The following RCC1L variants were observed in gnomAD, a reference collection of about 807,000 sequenced individuals.
RCC1L encodes RCC1 like, also known as RCC1-like G exchanging factor-like protein.
A neutral mutation model predicts 58.6 loss-of-function variants in RCC1L; 46 were observed. The ratio of observed to expected loss-of-function variants is 0.79; its 90% CI spans 0.62 to 1.00. The LOEUF (loss-of-function observed/expected upper bound fraction) is 1.00. Among genes scored for constraint, RCC1L ranks in the 50% least tolerant of loss-of-function variants. The pLI, the probability that RCC1L is intolerant of heterozygous loss-of-function variation, is 0.00. For missense variants in RCC1L, 636 were observed against 623.6 expected, an observed-to-expected ratio of 1.02 and a Z score of -0.21; for synonymous variants, 281 against 262.9, an observed-to-expected ratio of 1.07 and a Z score of -0.67.
At chr7:75,028,202 C>T in intron 10 of RCC1L, 1 of 890,908 alleles carries the variant, frequency 1.1e-6, no homozygotes, top group Admixed American at 3.0e-5. Flanking sequence ...ACTGCAGCAA[C>T]CTCCACTTCC....
At chr7:75,070,328 T>C (rs879994311) in intron 2 of RCC1L, among the ~76,000 whole-genome samples, 1 of 152,134 alleles carries the variant, frequency 6.6e-6, no homozygotes, top group Non-Finnish European at 1.5e-5. Context: ...CACAGCACTT[T>C]GGGAGGCTGA....
chr7:75,030,846 T>C (rs1473166998), intron 10 of RCC1L, among the ~76,000 whole-genome samples: 1 of 152,170 alleles, frequency 6.6e-6, no homozygotes, highest in Non-Finnish European at 1.5e-5. Flanking sequence ...AGGCATCCCA[T>C]CCTGCAGATG....
downstream of RCC1L, among the ~76,000 whole-genome samples, chr7:75,041,065 A>AAAAC (rs1805547665): frequency 8.6e-5 from 13 of 151,940 alleles, no homozygotes; most frequent in African/African-American, 3.1e-4. Context: ...TAAAAATACA[A>AAAAC]AAATTAACTG....
intron 3 of RCC1L, among the ~76,000 whole-genome samples, chr7:75,066,177 T>C (rs587600334): frequency 3.9e-4 from 60 of 152,044 alleles, no homozygotes; most frequent in South Asian, 3.5e-3. Context: ...GGTGGCCAGG[T>C]GCAGTGGCTC....
Position 75,052,781 on chromosome 7 carries a change from A to C in RCC1L, c.1247T>G (p.Phe416Cys). 6.2e-7 allele frequency: 1 copy of C among 1,613,118 alleles called. No individual in the cohort carries two copies. Among genetic ancestry groups the C allele is most frequent in the South Asian group, 1.1e-5 (1 of 90,776 alleles). ...FAALTNKGELFVWGKNIRGCL... is the reference protein window; with the variant it reads ...FAALTNKGELCVWGKNIRGCL... Reference sequence around the variant, plus strand: ...CCCTCGGATGTTCTTGCCCCATACAAACAGCTCTCCTTTGTCTGCAAAGGG... The same window carrying C: ...CCCTCGGATGTTCTTGCCCCATACACACAGCTCTCCTTTGTCTGCAAAGGG... The change falls in exon 10 of 11, where the codon TTT becomes TGT. Residue 416 changes from phenylalanine (F) to cysteine (C), a missense_variant. Phe to Cys is a radical substitution (Grantham distance 205). Transcript: ENST00000610322.
chr7:75,068,008 C>G (rs1806565461), intron 2 of RCC1L, among the ~76,000 whole-genome samples: 1 of 151,958 alleles, frequency 6.6e-6, no homozygotes, highest in Admixed American at 6.6e-5. Flanking sequence ...TAAAATTGCT[C>G]TGAATAAAAG....
intron 9 of RCC1L, among the ~76,000 whole-genome samples, chr7:75,055,326 G>A (rs1806041152): frequency 6.6e-6 from 1 of 152,108 alleles, no homozygotes; most frequent in Non-Finnish European, 1.5e-5. Context: ...CAGGGTAAGC[G>A]GATATTCTGT....
chr7:75,068,630 G>A (rs1806600252), intron 2 of RCC1L, among the ~76,000 whole-genome samples: 2 of 147,156 alleles, frequency 1.4e-5, no homozygotes, highest in Non-Finnish European at 1.5e-5. Flanking sequence ...AGGTTGCAGT[G>A]AGCTGAGATC....
chr7:75,053,238 GGGGTGGTGGACA>G (rs1805973925), intron 9 of RCC1L, among the ~76,000 whole-genome samples: 1 of 113,342 alleles, frequency 8.8e-6, no homozygotes, highest in Non-Finnish European at 2.1e-5. Context: ...TTGGGGTCTG[GGGGTGGTGGACA>G]GGTCTGGGGG....
At chr7:75,041,864 A>C (rs1338108452), downstream of RCC1L, among the ~76,000 whole-genome samples, 2 of 107,466 alleles carry the variant, frequency 1.9e-5, no homozygotes, top group Non-Finnish European at 3.4e-5. Flanking sequence ...ACTCTGTCTC[A>C]AAAAAAAAAA....
chr7:75,055,784 A>AAAGGCGCCGTTAC, intron 9 of RCC1L, 117 bp downstream of exon 9: 1 of 1,226,808 alleles, frequency 8.2e-7, no homozygotes, highest in Non-Finnish European at 1.2e-6. Flanking sequence ...TTATCAGTAC[A>AAAGGCGCCGTTAC]AAGGCGCCGT....
downstream of RCC1L, among the ~76,000 whole-genome samples, chr7:75,041,360 G>A (rs1404909574): frequency 6.6e-6 from 1 of 152,040 alleles, no homozygotes; most frequent in Non-Finnish European, 1.5e-5. Context: ...TAGAATGTAA[G>A]CTTCACGGTG....
At chr7:75,059,607 C>T (rs1317028493) in intron 6 of RCC1L, among the ~76,000 whole-genome samples, 1 of 151,892 alleles carries the variant, frequency 6.6e-6, no homozygotes, top group East Asian at 1.9e-4. Flanking sequence ...GACAGCATCT[C>T]ACTATGTTGC....
chr7:75,048,474 G>T (rs1470516865), intron 10 of RCC1L, among the ~76,000 whole-genome samples: 4 of 152,216 alleles, frequency 2.6e-5, no homozygotes, highest in African/African-American at 9.6e-5. Context: ...GGGGCCGTGA[G>T]ACCTGGGGCA....
At chr7:75,033,143 A>C (rs1477037062) in intron 10 of RCC1L, among the ~76,000 whole-genome samples, 1 of 150,826 alleles carries the variant, frequency 6.6e-6, no homozygotes, top group Admixed American at 6.6e-5. Context: ...TGACTGCCCC[A>C]AAACTCTCAA....
chr7:75,070,597 C>G, intron 2 of RCC1L, 43 bp downstream of exon 2: 1 of 1,606,306 alleles, frequency 6.2e-7, no homozygotes, highest in African/African-American at 1.3e-5. Context: ...AGAGCTTTCT[C>G]AGACCAATCC....
Position 75,058,603 on chromosome 7 carries a change from GAC to G in RCC1L, c.952_953del (p.Val318HisfsTer2), listed in dbSNP as rs1806157813. ...GNSEYLQLASVTDSTQVNVPR... is the reference protein window; with the variant it reads ...GNSEYLQLASXTDSTQVNVPR... ...GACTGCATACCTGTGTGGAGTCAGT[GAC>G]AGAGGCCAGCTGCAGGTACTCCGAG... On this transcript the variant is annotated frameshift_variant, in exon 7 of 11. Coordinates refer to ENST00000610322, the MANE Select transcript of RCC1L (RefSeq NM_030798.5). LOFTEE classifies it high-confidence loss of function. 13 of 1,606,890 alleles carry G rather than the reference GAC, an allele frequency of 8.1e-6. No individual in the cohort carries two copies. The highest frequency in any genetic ancestry group is 1.1e-5 in the Non-Finnish European group (13 of 1,176,298).
intron 9 of RCC1L, 191 bp downstream of exon 9, chr7:75,055,710 G>A (rs1023825844): frequency 4.5e-6 from 3 of 671,858 alleles, no homozygotes; most frequent in South Asian, 1.9e-5. Flanking sequence ...AAAACTCCAG[G>A]GGGGGAAAAC....
rs1806402365 is a variant in RCC1L, at chr7:75,064,731, G to A, written c.584-83C>T. The A allele has an allele frequency of 6.7e-6, 10 of 1,487,644 alleles. No homozygotes were observed. In the South Asian group the frequency reaches 6.8e-5, roughly 10 times the overall value. 92.2% of individuals were successfully genotyped at this position (1,487,644 alleles called of 1,614,324 possible). A position where few individuals can be genotyped will look rare whatever the true frequency, so the allele number is the denominator to read the frequency against. ...GAGGACTGGAAGGGGTCTCGCTGGT[G>A]GTCCCGTCCTGGTTACTCACCCCCA... On this transcript the variant is annotated intron_variant, in intron 3 of 10. Transcript: ENST00000610322.
Sources: gnomAD v4.1 joint callset for allele counts (sites outside exome capture counted in the v4.1 genomes callset) on GRCh38, gnomAD v4.1.1 for gene constraint, MANE v1.5 for transcripts, NCBI Gene and HGNC (gene_info 2026-07-23, HGNC 2026-07-21) for gene names.